Variants in KCTD8 observed in about 807,000 individuals in gnomAD.
The protein encoded by KCTD8 is BTB/POZ domain-containing protein KCTD8.
A neutral mutation model predicts 31.5 loss-of-function variants in KCTD8; 27 were observed. The observed-to-expected ratio is 0.86, with a 90% CI of 0.63 to 1.18. KCTD8 has a LOEUF of 1.18. Among genes scored for constraint, KCTD8 ranks in the 50% most tolerant of loss-of-function variants. KCTD8 has a pLI of 0.00. For missense variants in KCTD8, 658 were observed against 647.7 expected (o/e 1.02, Z -0.17); for synonymous variants, 290 against 280.0 (o/e 1.04, Z -0.36).
chr4:44,188,667 C>A (rs1343480720), intron 1 of KCTD8, among the ~76,000 whole-genome samples: 1 of 152,086 alleles, frequency 6.6e-6, no homozygotes, highest in Non-Finnish European at 1.5e-5. Flanking sequence ...TCCCACTGGA[C>A]CCTAAAGTCA....
chr4:44,427,980 T>C (rs1252280092), intron 1 of KCTD8, among the ~76,000 whole-genome samples: 1 of 151,746 alleles, frequency 6.6e-6, no homozygotes, highest in Non-Finnish European at 1.5e-5. Context: ...ATTTTTGACA[T>C]CTTATGATAG....
intron 1 of KCTD8, among the ~76,000 whole-genome samples, chr4:44,203,323 T>C (rs6856522): frequency 0.46 from 69,122 of 151,590 alleles, 16,210 homozygotes; most frequent in African/African-American, 0.55. Context: ...ACCAACATGA[T>C]GAAATTCCAT....
At position 44,408,256 on chromosome 4, in the gene KCTD8, T is replaced by C. The variant is rs148441966; in HGVS notation, c.961+39307A>G. ...TATTAGCATGGACAAGTGATTTTAC[T>C]TGGCCATCTATTAAATATTAAATCC... On this transcript the variant is annotated intron_variant, in intron 1 of 1. Coordinates refer to ENST00000360029, the MANE Select transcript of KCTD8 (RefSeq NM_198353.3). Among the ~76,000 whole-genome samples, 248 of 152,314 alleles carry C rather than the reference T, an allele frequency of 1.6e-3. 2 individuals are homozygous for C. The highest frequency in any genetic ancestry group is 2.7e-3 in the Non-Finnish European group (185 of 68,024).
At position 44,263,204 on chromosome 4, in the gene KCTD8, T is replaced by C. The variant is rs1401786240; in HGVS notation, c.962-87954A>G. ...ATAGGCATAACAGCAAGTTTATGCCTAAAAACTTTCTCTTTTCTAGTTAAC... is the reference window on the plus strand; with the variant it reads ...ATAGGCATAACAGCAAGTTTATGCCCAAAAACTTTCTCTTTTCTAGTTAAC... On this transcript the variant is annotated intron_variant, in intron 1 of 1. Transcript: ENST00000360029. 2.0e-5 allele frequency among the ~76,000 whole-genome samples: 3 copies of C among 152,176 alleles called. No homozygotes were observed. The East Asian group carries it at 5.8e-4, about 29-fold the overall frequency.
intron 1 of KCTD8, among the ~76,000 whole-genome samples, chr4:44,261,942 G>A (rs1485547313): frequency 6.6e-6 from 1 of 151,998 alleles, no homozygotes; most frequent in African/African-American, 2.4e-5. Context: ...AATAAAATAA[G>A]AGAGGAGAGG....
chr4:44,225,274 T>C (rs903721138), intron 1 of KCTD8, among the ~76,000 whole-genome samples: 2 of 152,252 alleles, frequency 1.3e-5, no homozygotes, highest in African/African-American at 4.8e-5. Flanking sequence ...CTTCTAAACA[T>C]GTGTCACTTT....
chr4:44,310,720 T>C (rs1256673737), intron 1 of KCTD8, among the ~76,000 whole-genome samples: 1 of 152,138 alleles, frequency 6.6e-6, no homozygotes, highest in Non-Finnish European at 1.5e-5. Flanking sequence ...AAATTGTAAA[T>C]GTGATTAAAA....
intron 1 of KCTD8, among the ~76,000 whole-genome samples, chr4:44,258,310 T>C (rs1380425388): frequency 1.3e-5 from 2 of 151,984 alleles, no homozygotes; most frequent in Admixed American, 6.6e-5. Flanking sequence ...GTGGTGATGG[T>C]TGCACAGCTC....
chr4:44,373,341 C>A (rs1297343505), intron 1 of KCTD8, among the ~76,000 whole-genome samples: 2 of 151,416 alleles, frequency 1.3e-5, no homozygotes, highest in Non-Finnish European at 2.9e-5. Flanking sequence ...AACCTGGTGA[C>A]AGAGCGAGAC....
chr4:44,248,941 T>C (rs1271382056), intron 1 of KCTD8, among the ~76,000 whole-genome samples: 1 of 151,756 alleles, frequency 6.6e-6, no homozygotes, highest in Non-Finnish European at 1.5e-5. Context: ...GCATTCAGGG[T>C]CTAATTAGCC....
chr4:44,446,499 G>A (rs907347012), intron 1 of KCTD8, among the ~76,000 whole-genome samples: 1 of 151,914 alleles, frequency 6.6e-6, no homozygotes, highest in Non-Finnish European at 1.5e-5. Context: ...CTTCATAAAC[G>A]CCACTGAGAA....
intron 1 of KCTD8, among the ~76,000 whole-genome samples, chr4:44,288,552 T>C (rs1366666666): frequency 6.6e-6 from 1 of 152,122 alleles, no homozygotes; most frequent in Non-Finnish European, 1.5e-5. Flanking sequence ...AAGTAGTAGA[T>C]ACTTTGCATA....
intron 1 of KCTD8, among the ~76,000 whole-genome samples, chr4:44,411,292 C>A (rs375653268): frequency 6.8e-6 from 1 of 147,014 alleles, no homozygotes; most frequent in African/African-American, 2.5e-5. Flanking sequence ...GTGGGAGAAA[C>A]GACTGATCCC....
intron 1 of KCTD8, among the ~76,000 whole-genome samples, chr4:44,184,532 T>C (rs1337948560): frequency 6.6e-6 from 1 of 152,170 alleles, no homozygotes; most frequent in Non-Finnish European, 1.5e-5. Flanking sequence ...CCCACTCTTC[T>C]GATACTCCCT....
chr4:44,425,502 G>A (rs950043551), intron 1 of KCTD8, among the ~76,000 whole-genome samples: 2 of 151,866 alleles, frequency 1.3e-5, no homozygotes, highest in African/African-American at 2.4e-5. Flanking sequence ...ATAAAAGTGC[G>A]AGTTCCAAGA....
intron 1 of KCTD8, among the ~76,000 whole-genome samples, chr4:44,211,798 C>T (rs1340387553): frequency 6.6e-6 from 1 of 151,852 alleles, no homozygotes; most frequent in Non-Finnish European, 1.5e-5. Context: ...TTAAAAATAT[C>T]CCCAATGTTA....
chr4:44,208,027 AG>A (rs1278876203), intron 1 of KCTD8, among the ~76,000 whole-genome samples: 1 of 152,176 alleles, frequency 6.6e-6, no homozygotes, highest in Non-Finnish European at 1.5e-5. Context: ...CTGGAGCTCA[AG>A]AGAGAAGTGC....
At chr4:44,200,967 A>G (rs1434886020) in intron 1 of KCTD8, among the ~76,000 whole-genome samples, 1 of 152,142 alleles carries the variant, frequency 6.6e-6, no homozygotes, top group East Asian at 1.9e-4. Flanking sequence ...AAGTTTCAGG[A>G]TACAAAATTA....
At chr4:44,340,246 A>C (rs573328121) in intron 1 of KCTD8, among the ~76,000 whole-genome samples, 1 of 152,234 alleles carries the variant, frequency 6.6e-6, no homozygotes, top group South Asian at 2.1e-4. Context: ...AATTGAAAGA[A>C]TTGTACAAGA....
Sources: gnomAD v4.1 joint callset for allele counts (sites outside exome capture counted in the v4.1 genomes callset) on GRCh38, gnomAD v4.1.1 for gene constraint, MANE v1.5 for transcripts, NCBI Gene and HGNC (gene_info 2026-07-23, HGNC 2026-07-21) for gene names.